Variants in PCDH15 observed in about 807,000 individuals in gnomAD.
The protein encoded by PCDH15 is protocadherin-15.
PCDH15 carries 129 observed loss-of-function variants against 178.5 expected under a neutral mutation model. The observed-to-expected ratio is 0.72, with a 90% CI of 0.63 to 0.84. The LOEUF is 0.84. PCDH15 is among the 40% of genes least tolerant of loss of function. PCDH15 has a pLI of 0.00. For synonymous variants in PCDH15, 800 were observed against 732.0 expected (o/e 1.09, Z -1.50); for missense variants, 2,230 against 2,099.9 (o/e 1.06, Z -1.21).
intron 2 of PCDH15, among the ~76,000 whole-genome samples, chr10:55,563,886 A>T (rs535008483): frequency 6.6e-6 from 1 of 152,042 alleles, no homozygotes; most frequent in South Asian, 2.1e-4. Context: ...TCATACATAA[A>T]CTAAGGTAGT....
chr10:54,488,998 T>G (rs1240350517), intron 3 of PCDH15, among the ~76,000 whole-genome samples: 2 of 152,012 alleles, frequency 1.3e-5, no homozygotes, highest in Non-Finnish European at 2.9e-5. Context: ...CTTGAATTAC[T>G]TAGTCTGATT....
intron 2 of PCDH15, among the ~76,000 whole-genome samples, chr10:55,394,904 G>C (rs907600105): frequency 6.6e-6 from 1 of 151,924 alleles, no homozygotes; most frequent in Admixed American, 6.6e-5. Flanking sequence ...CTTTAGGTTC[G>C]CACTCAACCA....
intron 3 of PCDH15, among the ~76,000 whole-genome samples, chr10:54,892,630 C>A (rs1460495063): frequency 2.0e-5 from 3 of 148,460 alleles, no homozygotes; most frequent in Non-Finnish European, 4.5e-5. Context: ...ATTAAACAAA[C>A]AACATTGAGA....
At chr10:53,827,212 G>A (rs1388572937) in intron 32 of PCDH15, among the ~76,000 whole-genome samples, 181 bp downstream of exon 32, 1 of 151,850 alleles carries the variant, frequency 6.6e-6, no homozygotes, top group Non-Finnish European at 1.5e-5. Flanking sequence ...TTTGGTTTTG[G>A]CTATTATTTT....
At chr10:55,507,518 A>C (rs945779096) in intron 2 of PCDH15, among the ~76,000 whole-genome samples, 5 of 151,514 alleles carry the variant, frequency 3.3e-5, no homozygotes, top group African/African-American at 1.2e-4. Flanking sequence ...AAAGAAACCC[A>C]AGTAACTTGA....
intron 2 of PCDH15, among the ~76,000 whole-genome samples, chr10:55,083,584 G>A (rs796796338): frequency 6.6e-6 from 1 of 151,686 alleles, no homozygotes; most frequent in South Asian, 2.1e-4. Flanking sequence ...CAAGAGAAAG[G>A]AATAAGGGGC....
chr10:54,512,633 TG>T (rs1565464713), intron 3 of PCDH15, among the ~76,000 whole-genome samples: 1 of 152,056 alleles, frequency 6.6e-6, no homozygotes, highest in African/African-American at 2.4e-5. Context: ...AACATATTGA[TG>T]TTTGTTAAAT....
At chr10:54,478,618 A>C (rs2078453991) in intron 3 of PCDH15, among the ~76,000 whole-genome samples, 1 of 152,130 alleles carries the variant, frequency 6.6e-6, no homozygotes, top group Non-Finnish European at 1.5e-5. Flanking sequence ...GAGTACATTA[A>C]GTCATTAGTA....
chr10:54,418,579 G>T (rs1954786641), intron 3 of PCDH15, among the ~76,000 whole-genome samples: 1 of 151,612 alleles, frequency 6.6e-6, no homozygotes, highest in African/African-American at 2.4e-5. Flanking sequence ...ATGGAAAATT[G>T]GCATAACATT....
chr10:55,539,323 TA>T (rs1841704006), intron 2 of PCDH15, among the ~76,000 whole-genome samples: 1 of 152,048 alleles, frequency 6.6e-6, no homozygotes, highest in African/African-American at 2.4e-5. Context: ...GTATTTACAT[TA>T]ATATCATTTT....
At chr10:55,436,012 T>C (rs1392400784) in intron 2 of PCDH15, among the ~76,000 whole-genome samples, 2 of 152,112 alleles carry the variant, frequency 1.3e-5, no homozygotes, top group Non-Finnish European at 2.9e-5. Context: ...TAAAAGTTCG[T>C]CATTTTTTAA....
At chr10:54,166,275 A>G (rs932623757) in intron 13 of PCDH15, among the ~76,000 whole-genome samples, 24 of 152,148 alleles carry the variant, frequency 1.6e-4, no homozygotes, top group Admixed American at 2.6e-4. Flanking sequence ...CAACTCAATA[A>G]TTGTGATGTT....
chr10:54,366,712 AC>A (rs1451116121), intron 5 of PCDH15, among the ~76,000 whole-genome samples: 1 of 151,580 alleles, frequency 6.6e-6, no homozygotes, highest in African/African-American at 2.4e-5. Context: ...CTTTAAATGC[AC>A]TGTTTTTTTT....
intron 2 of PCDH15, among the ~76,000 whole-genome samples, chr10:55,477,615 C>A (rs537558035): frequency 6.6e-6 from 1 of 151,960 alleles, no homozygotes; most frequent in South Asian, 2.1e-4. Flanking sequence ...GGCACAAACA[C>A]TTGTGATTTC....
At chr10:54,797,386 A>G (rs1384758229) in intron 1 of PCDH15, among the ~76,000 whole-genome samples, 1 of 151,966 alleles carries the variant, frequency 6.6e-6, no homozygotes, top group Non-Finnish European at 1.5e-5. Context: ...GCCATGATCT[A>G]ATTTTAAGGG....
At chr10:54,285,089 T>TTC (rs2058951163) in intron 8 of PCDH15, among the ~76,000 whole-genome samples, 1 of 152,200 alleles carries the variant, frequency 6.6e-6, no homozygotes, top group Non-Finnish European at 1.5e-5. Flanking sequence ...TTTTATTCAA[T>TTC]AAATACTTAC....
At position 54,402,713 on chromosome 10, in the gene PCDH15, G is replaced by T. The variant is rs145412321; in HGVS notation, c.158-23771C>A. ...TTAATTACTATTATAATTATTTTGG[G>T]ATGCCGCAAACCATTCCCACATTAC... On this transcript the variant is annotated intron_variant, in intron 3 of 37. Coordinates refer to ENST00000644397, the MANE Select transcript of PCDH15 (RefSeq NM_001384140.1). 5.0e-3 allele frequency among the ~76,000 whole-genome samples: 754 copies of T among 151,868 alleles called. 5 individuals are homozygous for T. The highest frequency in any genetic ancestry group is 0.016 in the African/African-American group (682 of 41,438).
At chr10:54,185,766 T>A (rs574686042) in intron 11 of PCDH15, among the ~76,000 whole-genome samples, 1 of 152,188 alleles carries the variant, frequency 6.6e-6, no homozygotes, top group East Asian at 1.9e-4. Flanking sequence ...AAATTGGTTA[T>A]GTATTATTCA....
At chr10:53,962,277 A>G (rs2088429541) in intron 21 of PCDH15, among the ~76,000 whole-genome samples, 1 of 152,046 alleles carries the variant, frequency 6.6e-6, no homozygotes, top group Non-Finnish European at 1.5e-5. Context: ...TGGCATCACC[A>G]TAGTTCCCCA....
Sources: gnomAD v4.1 joint callset for allele counts (sites outside exome capture counted in the v4.1 genomes callset) on GRCh38, gnomAD v4.1.1 for gene constraint, MANE v1.5 for transcripts, NCBI Gene and HGNC (gene_info 2026-07-23, HGNC 2026-07-21) for gene names.